NAV3: variants seen among roughly 807,000 people sequenced by gnomAD.
NAV3 encodes the protein pore membrane and/or filament interacting like protein 1.
NAV3 carries 87 observed loss-of-function variants against 244.7 expected under a neutral mutation model. The ratio of observed to expected loss-of-function variants is 0.36; its 90% CI spans 0.30 to 0.42. The LOEUF (loss-of-function observed/expected upper bound fraction) is 0.42. Ranked by LOEUF, NAV3 falls within the 20% of genes least tolerant of loss-of-function variation. NAV3 has a pLI of 1.00. For missense variants in NAV3, 2,663 were observed against 2,893.3 expected (o/e 0.92, Z 1.83); for synonymous variants, 1,126 against 1,042.2 (o/e 1.08, Z -1.55).
chr12:77,727,039 T>C (rs1051846201), intron 2 of NAV3, among the ~76,000 whole-genome samples: 1 of 151,978 alleles, frequency 6.6e-6, no homozygotes, highest in Non-Finnish European at 1.5e-5. Context: ...GCACTCATCA[T>C]GAATGAAGAT....
chr12:78,031,765 T>G, intron 9 of NAV3, among the ~76,000 whole-genome samples: 2 of 145,718 alleles, frequency 1.4e-5, no homozygotes, highest in South Asian at 2.3e-4. Context: ...GGGATAGCAA[T>G]GGGAGATATA....
chr12:77,838,877 A>T (rs1404657696), intron 1 of NAV3, among the ~76,000 whole-genome samples: 1 of 152,216 alleles, frequency 6.6e-6, no homozygotes, highest in African/African-American at 2.4e-5. Context: ...TAAAAAATGA[A>T]ATGAAATGAG....
At chr12:78,029,637 A>G (rs762910830) in intron 9 of NAV3, among the ~76,000 whole-genome samples, 4 of 152,140 alleles carry the variant, frequency 2.6e-5, no homozygotes, top group Non-Finnish European at 4.4e-5. Flanking sequence ...AAAAAAAAAT[A>G]CAGTGTACAG....
At chr12:77,970,706 G>C (rs958961439) in intron 5 of NAV3, among the ~76,000 whole-genome samples, 1 of 151,968 alleles carries the variant, frequency 6.6e-6, no homozygotes, top group Non-Finnish European at 1.5e-5. Context: ...ATCTCTATAG[G>C]CTAAGTTTCT....
At chr12:78,150,891 G>A (rs956511381) in intron 22 of NAV3, among the ~76,000 whole-genome samples, 1 of 151,934 alleles carries the variant, frequency 6.6e-6, no homozygotes, top group Admixed American at 6.6e-5. Context: ...CCAACAAAGG[G>A]TGAAAACAGG....
Position 78,118,283 on chromosome 12 carries a change from C to T in NAV3, c.3026C>T (p.Ala1009Val), listed in dbSNP as rs1566159037. 2.5e-6 allele frequency: 4 copies of T among 1,605,332 alleles called. No individual in the cohort carries two copies. The African/African-American group carries it at 4.0e-5, about 16-fold the overall frequency. ...APSRQKAGTSALKTPGKTDDA... is the reference protein window; with the variant it reads ...APSRQKAGTSVLKTPGKTDDA... ...TCTAGGCAGAAAGCTGGAACAAGTG[C>T]ACTCAAAACACCCGGTAGGCTTGTC... Residue 1009 changes from alanine (A) to valine (V), a missense_variant, in exon 14 of 40, where the codon GCA becomes GTA. Ala to Val is a moderately conservative substitution (Grantham distance 64). Transcript: ENST00000397909.
At chr12:77,815,285 G>C (rs1258543725) in intron 2 of NAV3, among the ~76,000 whole-genome samples, 1 of 152,156 alleles carries the variant, frequency 6.6e-6, no homozygotes, top group Non-Finnish European at 1.5e-5. Flanking sequence ...TGAAGCACAT[G>C]AGGGTCTGTC....
chr12:77,742,260 T>G (rs1366426059), intron 2 of NAV3, among the ~76,000 whole-genome samples: 1 of 152,114 alleles, frequency 6.6e-6, no homozygotes, highest in African/African-American at 2.4e-5. Context: ...AAGTTGTGCT[T>G]CTTTTTCATC....
rs114346755 is a variant in NAV3, at chr12:77,994,685, C to T, written c.672-118C>T. On this transcript the variant is annotated intron_variant, in intron 5 of 39. Transcript: ENST00000397909. Reference sequence around the variant, plus strand: ...TTTTCTAATTAATTTGTTCTTTATACATGTTTATACGTGTTCCAATTGCAT... The same window carrying T: ...TTTTCTAATTAATTTGTTCTTTATATATGTTTATACGTGTTCCAATTGCAT... 3.5e-4 allele frequency: 237 copies of T among 686,582 alleles called. 1 individual carries two copies. In the African/African-American group the frequency reaches 3.5e-3, roughly 10 times the overall value. The allele number at this position is 686,582 out of a possible 1,614,324, so 42.5% of individuals were successfully genotyped here. A position where few individuals can be genotyped will look rare whatever the true frequency, so the allele number is the denominator to read the frequency against.
At chr12:77,809,582 C>T (rs1346436390) in intron 2 of NAV3, among the ~76,000 whole-genome samples, 2 of 152,308 alleles carry the variant, frequency 1.3e-5, no homozygotes, top group Middle Eastern at 3.4e-3. Flanking sequence ...GCATTGATCT[C>T]GCTAGGAGCT....
In NAV3 at chr12:77,879,469, A is replaced by T. The variant is rs77048441; in HGVS notation, c.243+47765A>T. The stretch of plus-strand genomic sequence containing the variant: ...GATCACTTGAGCGCAGGAGTTCGAG[A>T]CCAGCCTGGCACATGGCCAACTTGG... On this transcript the variant is annotated intron_variant, in intron 1 of 39. Coordinates refer to ENST00000397909, the MANE Select transcript of NAV3 (RefSeq NM_001024383.2). Among the ~76,000 whole-genome samples, 484 of 152,154 alleles carry T rather than the reference A, an allele frequency of 3.2e-3. 4 individuals are homozygous for T. The highest frequency in any genetic ancestry group is 0.02 in the Middle Eastern group (6 of 294).
intron 2 of NAV3, among the ~76,000 whole-genome samples, chr12:77,714,710 TA>T (rs1239602004): frequency 1.3e-5 from 2 of 152,178 alleles, no homozygotes; most frequent in African/African-American, 4.8e-5. Flanking sequence ...ATTTTGGCAT[TA>T]AAAGGTTTTG....
intron 1 of NAV3, among the ~76,000 whole-genome samples, chr12:77,879,583 G>A (rs12316134): frequency 0.017 from 2,525 of 145,748 alleles, 74 homozygotes; most frequent in African/African-American, 0.056. Context: ...GCTGAGGCAA[G>A]AGAATTGCTT....
At chr12:77,777,112 C>A (rs1199593824) in intron 2 of NAV3, among the ~76,000 whole-genome samples, 1 of 152,004 alleles carries the variant, frequency 6.6e-6, no homozygotes, top group East Asian at 1.9e-4. Flanking sequence ...TTCCAAGGCC[C>A]CTAGTGGAAA....
chr12:77,577,979 T>G (rs1225627406), intron 2 of NAV3, among the ~76,000 whole-genome samples: 1 of 152,154 alleles, frequency 6.6e-6, no homozygotes, highest in Non-Finnish European at 1.5e-5. Context: ...GTGGTTTTCT[T>G]ACAGAGGGAC....
intron 2 of NAV3, among the ~76,000 whole-genome samples, chr12:77,639,628 G>A (rs754085907): frequency 2.0e-5 from 3 of 152,130 alleles, no homozygotes; most frequent in Non-Finnish European, 4.4e-5. Context: ...TGTCTTTTAA[G>A]TATGAGGGTG....
chr12:78,102,503 G>T (rs1329763321), intron 12 of NAV3, among the ~76,000 whole-genome samples: 1 of 152,192 alleles, frequency 6.6e-6, no homozygotes, highest in Non-Finnish European at 1.5e-5. Flanking sequence ...GCTGTTGGTG[G>T]ATCTACCATT....
At chr12:77,768,433 C>T (rs899532922) in intron 2 of NAV3, among the ~76,000 whole-genome samples, 3 of 152,198 alleles carry the variant, frequency 2.0e-5, no homozygotes, top group African/African-American at 4.8e-5. Context: ...CACCAAGCTG[C>T]CCTTAGTGCC....
At chr12:77,911,502 A>C (rs774800891) in intron 1 of NAV3, among the ~76,000 whole-genome samples, 1 of 152,150 alleles carries the variant, frequency 6.6e-6, no homozygotes, top group Non-Finnish European at 1.5e-5. Flanking sequence ...TGTCAATGCA[A>C]GAATCAGAAT....
Sources: allele counts gnomAD v4.1 joint callset (sites outside exome capture counted in the v4.1 genomes callset), GRCh38; gene constraint gnomAD v4.1.1; transcripts MANE v1.5; gene names NCBI Gene and HGNC (gene_info 2026-07-23, HGNC 2026-07-21).